DOCK3: variants seen among roughly 807,000 people sequenced by gnomAD.
DOCK3 encodes the protein dedicator of cytokinesis 3.
A neutral mutation model predicts 265.6 loss-of-function variants in DOCK3; 60 were observed. That is an observed-to-expected ratio of 0.23 (90% CI 0.18 to 0.28). The LOEUF is 0.28. Ranked by LOEUF, DOCK3 falls within the 10% of genes least tolerant of loss-of-function variation. The pLI is 1.00. For missense variants in DOCK3, 1,981 were observed against 2,594.3 expected (o/e 0.76, Z 5.14); for synonymous variants, 881 against 938.0 (o/e 0.94, Z 1.11).
chr3:51,130,065 A>T (rs181418922), intron 9 of DOCK3, among the ~76,000 whole-genome samples: 1 of 152,344 alleles, frequency 6.6e-6, no homozygotes, highest in Non-Finnish European at 1.5e-5. Flanking sequence ...CCTTAGAAGG[A>T]ATATCTCGAC....
intron 27 of DOCK3, among the ~76,000 whole-genome samples, chr3:51,281,443 CTTTT>C (rs984625131): frequency 2.0e-5 from 3 of 151,898 alleles, no homozygotes; most frequent in African/African-American, 7.3e-5. Context: ...TTAATTGCCT[CTTTT>C]TTTATTTGCT....
At chr3:51,249,530 C>A (rs1206205416) in intron 22 of DOCK3, among the ~76,000 whole-genome samples, 1 of 97,444 alleles carries the variant, frequency 1.0e-5, no homozygotes, top group African/African-American at 3.9e-5. Context: ...CCCGGCCAGC[C>A]GCCCGGTCCG....
chr3:51,272,725 A>G (rs1255793323), intron 24 of DOCK3, among the ~76,000 whole-genome samples: 1 of 152,016 alleles, frequency 6.6e-6, no homozygotes, highest in Admixed American at 6.5e-5. Context: ...GCCACCAAGA[A>G]AGTCATCTTT....
At chr3:51,047,594 AATG>A (rs2080828535) in intron 5 of DOCK3, among the ~76,000 whole-genome samples, 1 of 152,118 alleles carries the variant, frequency 6.6e-6, no homozygotes, top group Non-Finnish European at 1.5e-5. Context: ...ATGCCACAGA[AATG>A]ATGGACTATT....
At chr3:50,987,756 G>A (rs2077955155) in intron 5 of DOCK3, among the ~76,000 whole-genome samples, 1 of 152,160 alleles carries the variant, frequency 6.6e-6, no homozygotes, top group African/African-American at 2.4e-5. Flanking sequence ...GAACCTCTCC[G>A]GTCCAGAGAA....
At chr3:50,769,075 ATTTT>A (rs11334129) in intron 1 of DOCK3, among the ~76,000 whole-genome samples, 1 of 147,184 alleles carries the variant, frequency 6.8e-6, no homozygotes, top group Non-Finnish European at 1.5e-5. Flanking sequence ...TATTAATTGG[ATTTT>A]TTTTTTTTTT....
At position 50,986,017 on chromosome 3, in the gene DOCK3, T is replaced by C. The variant is rs796249301; in HGVS notation, c.315+51940T>C. Among the ~76,000 whole-genome samples the C allele has an allele frequency of 3.3e-5, 5 of 152,210 alleles. No homozygotes were observed. The South Asian group carries it at 1.0e-3, about 32-fold the overall frequency. ...GTGCTTATTTTTTATTAAATATCTA[T>C]TTATATATTGTCACTCCCCAGTCTG... On this transcript the variant is annotated intron_variant, in intron 5 of 52. Transcript: ENST00000266037.
chr3:50,791,835 T>C (rs1423993813), intron 2 of DOCK3, among the ~76,000 whole-genome samples: 1 of 152,182 alleles, frequency 6.6e-6, no homozygotes, highest in African/African-American at 2.4e-5. Context: ...TCTGTGGCCC[T>C]GTGGTATAGT....
intron 27 of DOCK3, among the ~76,000 whole-genome samples, chr3:51,290,347 A>G (rs1014393976): frequency 1.3e-5 from 2 of 152,228 alleles, no homozygotes; most frequent in African/African-American, 4.8e-5. Context: ...ATGGAATACT[A>G]TGCAGCCATA....
chr3:51,208,001 CA>C (rs2089309018), intron 12 of DOCK3, among the ~76,000 whole-genome samples: 1 of 152,112 alleles, frequency 6.6e-6, no homozygotes, highest in South Asian at 2.1e-4. Context: ...AACTTTGTTC[CA>C]AATGGTTACG....
intron 12 of DOCK3, among the ~76,000 whole-genome samples, chr3:51,163,645 A>G (rs1262183541): frequency 2.0e-5 from 3 of 152,210 alleles, no homozygotes; most frequent in African/African-American, 7.2e-5. Context: ...GTGGGTGTCC[A>G]TAAATAATGC....
At chr3:51,249,737 A>G (rs1426293633) in intron 22 of DOCK3, among the ~76,000 whole-genome samples, 2 of 137,880 alleles carry the variant, frequency 1.5e-5, no homozygotes, top group Admixed American at 1.4e-4. Context: ...GAAAGTGAGG[A>G]GCCCCTCTGC....
chr3:50,961,274 C>A (rs1054941618), intron 5 of DOCK3, among the ~76,000 whole-genome samples: 1 of 152,072 alleles, frequency 6.6e-6, no homozygotes, highest in Non-Finnish European at 1.5e-5. Context: ...TTATAGTTGG[C>A]AGATTTTTTC....
intron 49 of DOCK3, among the ~76,000 whole-genome samples, chr3:51,366,606 G>A (rs201393873): frequency 6.6e-6 from 1 of 152,136 alleles, no homozygotes; most frequent in African/African-American, 2.4e-5. Flanking sequence ...GATCTTTCCT[G>A]CTTTCTCTTG....
chr3:51,176,444 C>T (rs546627234), intron 12 of DOCK3, among the ~76,000 whole-genome samples: 15 of 143,796 alleles, frequency 1.0e-4, no homozygotes, highest in South Asian at 2.3e-4. Flanking sequence ...GGTGAAACCC[C>T]GTCTCTACTA....
intron 33 of DOCK3, among the ~76,000 whole-genome samples, chr3:51,331,556 TAAAA>T (rs201481347): frequency 7.6e-6 from 1 of 131,324 alleles, no homozygotes; most frequent in Non-Finnish European, 1.7e-5. Context: ...GTAGGTATGC[TAAAA>T]AAAAAAAAAA....
chr3:51,096,574 C>T (rs994920174), intron 9 of DOCK3, among the ~76,000 whole-genome samples: 1 of 152,192 alleles, frequency 6.6e-6, no homozygotes, highest in African/African-American at 2.4e-5. Flanking sequence ...AGCTTCCTTG[C>T]ATTGGGTTAG....
chr3:51,249,672 G>A (rs1467547431), intron 22 of DOCK3, among the ~76,000 whole-genome samples: 2 of 122,712 alleles, frequency 1.6e-5, no homozygotes, highest in African/African-American at 6.3e-5. Flanking sequence ...CCCCCCACCC[G>A]GCCAGCCGCC....
intron 1 of DOCK3, among the ~76,000 whole-genome samples, chr3:50,707,465 G>A (rs1403520128): frequency 1.3e-5 from 2 of 151,944 alleles, no homozygotes; most frequent in African/African-American, 4.8e-5. Context: ...CCCAGTCCTT[G>A]GTATTTCTTC....
Sources: gnomAD v4.1 joint callset for allele counts (sites outside exome capture counted in the v4.1 genomes callset) on GRCh38, gnomAD v4.1.1 for gene constraint, MANE v1.5 for transcripts, NCBI Gene and HGNC (gene_info 2026-07-23, HGNC 2026-07-21) for gene names.